Variants in ASPH observed in about 807,000 individuals in gnomAD.
The protein encoded by ASPH is aspartate beta-hydroxylase, also known as aspartyl/asparaginyl beta-hydroxylase.
In ASPH, 100 loss-of-function variants were observed where a neutral mutation model predicts 118.4. That is an observed-to-expected ratio of 0.84 (90% CI 0.72 to 1.00). ASPH has a LOEUF of 1.00. Ranked by LOEUF, ASPH falls within the 50% of genes least tolerant of loss-of-function variation. ASPH has a pLI of 0.00. For missense variants in ASPH, 920 were observed against 919.5 expected, an observed-to-expected ratio of 1.00 and a Z score of -0.01; for synonymous variants, 315 against 325.6, an observed-to-expected ratio of 0.97 and a Z score of 0.35.
chr8:61,672,128 A>G (rs937185776), intron 3 of ASPH, among the ~76,000 whole-genome samples: 1 of 152,236 alleles, frequency 6.6e-6, no homozygotes, highest in Non-Finnish European at 1.5e-5. Flanking sequence ...CCATCCTGTT[A>G]GCGAGACAGA....
At chr8:61,618,688 G>A (rs1849854545) in intron 14 of ASPH, among the ~76,000 whole-genome samples, 1 of 152,064 alleles carries the variant, frequency 6.6e-6, no homozygotes, top group Non-Finnish European at 1.5e-5. Flanking sequence ...TTATTCCTAC[G>A]TTACAGAAGA....
Position 61,528,499 on chromosome 8 carries a change from C to T in ASPH, c.1765-2387G>A, listed in dbSNP as rs141996762. Among the ~76,000 whole-genome samples, 12 of 152,252 alleles carry T rather than the reference C, an allele frequency of 7.9e-5. No homozygotes were observed. In the East Asian group the frequency reaches 2.3e-3, roughly 29 times the overall value. Reference sequence around the variant, plus strand: ...TACTTTTCAAATGAGGTTATTGGTGCCTTATAAGGACAACCTATTCCTTTA... The same window carrying T: ...TACTTTTCAAATGAGGTTATTGGTGTCTTATAAGGACAACCTATTCCTTTA... On this transcript the variant is annotated intron_variant, in intron 21 of 24. Coordinates refer to ENST00000379454, the MANE Select transcript of ASPH (RefSeq NM_004318.4).
chr8:61,682,790 A>C (rs1828760586), intron 2 of ASPH, among the ~76,000 whole-genome samples: 2 of 152,164 alleles, frequency 1.3e-5, no homozygotes, highest in African/African-American at 4.8e-5. Context: ...TATGTCTATA[A>C]TTTGACAAGT....
chr8:61,698,549 T>C (rs933778809), intron 1 of ASPH, among the ~76,000 whole-genome samples: 2 of 152,216 alleles, frequency 1.3e-5, no homozygotes, highest in Non-Finnish European at 2.9e-5. Flanking sequence ...CTTCATTACT[T>C]AGGAATGACT....
intron 1 of ASPH, among the ~76,000 whole-genome samples, chr8:61,685,388 A>G (rs551248616): frequency 9.2e-5 from 14 of 152,316 alleles, no homozygotes; most frequent in South Asian, 2.1e-4. Flanking sequence ...GTGAAACATG[A>G]AATGATTCTC....
rs1189162285 is a variant in ASPH, at chr8:61,714,450, TGGC to T, written c.-82_-80del. 6.6e-6 allele frequency: 9 copies of T among 1,357,530 alleles called. No individual in the cohort carries two copies. Among genetic ancestry groups the T allele is most frequent in the Admixed American group, 3.7e-5 (1 of 27,214 alleles). 84.1% of individuals were successfully genotyped at this position (1,357,530 alleles called of 1,614,324 possible). A position where few individuals can be genotyped will look rare whatever the true frequency, so the allele number is the denominator to read the frequency against. ...GGTACACACGCGACGCGGGAACCGC[TGGC>T]GGCGGCGGGCCGCTGGAGCGGGTTC... On this transcript the variant is annotated 5_prime_UTR_variant, in exon 1 of 25. Transcript: ENST00000379454.
chr8:61,694,728 A>T (rs1412429510), intron 1 of ASPH, among the ~76,000 whole-genome samples: 1 of 152,184 alleles, frequency 6.6e-6, no homozygotes, highest in African/African-American at 2.4e-5. Context: ...CCACCTCTCT[A>T]GTTCACTTCA....
At chr8:61,507,293 A>C (rs1487755091) in intron 24 of ASPH, among the ~76,000 whole-genome samples, 1 of 152,194 alleles carries the variant, frequency 6.6e-6, no homozygotes, top group East Asian at 1.9e-4. Context: ...TAATTAACCA[A>C]TTGTATAAAT....
intron 14 of ASPH, among the ~76,000 whole-genome samples, chr8:61,608,625 G>C (rs1045374501): frequency 1.3e-5 from 2 of 152,116 alleles, no homozygotes; most frequent in African/African-American, 4.8e-5. Context: ...AATGATTTCT[G>C]AATCAGGTGA....
At chr8:61,544,288 T>C (rs1219818095) in intron 21 of ASPH, among the ~76,000 whole-genome samples, 1 of 152,216 alleles carries the variant, frequency 6.6e-6, no homozygotes, top group African/African-American at 2.4e-5. Context: ...ATGTACAGAG[T>C]TCTAAAGAAG....
chr8:61,647,616 A>T (rs1808691855), intron 5 of ASPH, among the ~76,000 whole-genome samples: 2 of 152,242 alleles, frequency 1.3e-5, no homozygotes, highest in Non-Finnish European at 2.9e-5. Flanking sequence ...AGTTGCAGTT[A>T]GCCAAGATGG....
chr8:61,599,039 G>A (rs1415257985), intron 14 of ASPH, among the ~76,000 whole-genome samples: 1 of 152,044 alleles, frequency 6.6e-6, no homozygotes, highest in South Asian at 2.1e-4. Context: ...CAACAAAAAT[G>A]TAGAAAGATT....
At chr8:61,631,358 G>T (rs1379932281) in intron 13 of ASPH, among the ~76,000 whole-genome samples, 3 of 152,134 alleles carry the variant, frequency 2.0e-5, no homozygotes, top group African/African-American at 7.2e-5. Flanking sequence ...CTCTACTCAT[G>T]AAGTGCCCTA....
chr8:61,596,788 G>A lies in ASPH; in HGVS notation c.977-12759C>T, dbSNP rs182201747. 2.6e-5 allele frequency among the ~76,000 whole-genome samples: 4 copies of A among 152,336 alleles called. No homozygotes were observed. The East Asian group carries it at 7.7e-4, about 29-fold the overall frequency. ...ATTCACAAAATTGGAAGAAGTGACTGTTATACCAAATGTGCAGATATCAAA... is the reference window on the plus strand; with the variant it reads ...ATTCACAAAATTGGAAGAAGTGACTATTATACCAAATGTGCAGATATCAAA... On this transcript the variant is annotated intron_variant, in intron 14 of 24. Transcript: ENST00000379454.
chr8:61,509,631 GCA>G (rs1481751660), intron 24 of ASPH, among the ~76,000 whole-genome samples: 1 of 152,150 alleles, frequency 6.6e-6, no homozygotes, highest in Non-Finnish European at 1.5e-5. Flanking sequence ...ATCTGGGAAT[GCA>G]GCCCAGTAGG....
At chr8:61,652,576 C>T (rs980784609) in intron 4 of ASPH, among the ~76,000 whole-genome samples, 1 of 152,146 alleles carries the variant, frequency 6.6e-6, no homozygotes, top group Non-Finnish European at 1.5e-5. Flanking sequence ...GTGGATTCTT[C>T]TTTCAAAATC....
intron 13 of ASPH, among the ~76,000 whole-genome samples, chr8:61,621,212 C>T (rs1036621397): frequency 5.3e-5 from 8 of 151,714 alleles, no homozygotes. Context: ...CACCTCACAT[C>T]AAGAAGCTGA....
chr8:61,619,171 T>C (rs1197712759), intron 13 of ASPH, 152 bp from the exon 14 acceptor site: 1 of 559,706 alleles, frequency 1.8e-6, no homozygotes, highest in Non-Finnish European at 3.0e-6. Context: ...CTGAATTCAT[T>C]ACACATGAAG....
chr8:61,692,955 A>G (rs1832995558), intron 1 of ASPH, among the ~76,000 whole-genome samples: 3 of 152,150 alleles, frequency 2.0e-5, no homozygotes, highest in East Asian at 1.9e-4. Flanking sequence ...AGGAAAAAAA[A>G]AAAAGAAAAA....
Sources: gnomAD v4.1 joint callset for allele counts (sites outside exome capture counted in the v4.1 genomes callset) on GRCh38, gnomAD v4.1.1 for gene constraint, MANE v1.5 for transcripts, NCBI Gene and HGNC (gene_info 2026-07-23, HGNC 2026-07-21) for gene names.